The following ATP10B variants were observed in gnomAD, a reference collection of about 807,000 sequenced individuals.
The protein encoded by ATP10B is phospholipid-transporting ATPase VB.
Under a neutral mutation model 141.2 loss-of-function variants are expected in ATP10B, and 122 were observed. The observed-to-expected ratio is 0.86, with a 90% CI of 0.75 to 1.00. The LOEUF is 1.00. ATP10B is among the 50% of genes least tolerant of loss of function. The pLI is 0.00. For synonymous variants in ATP10B, 685 were observed against 692.0 expected, an observed-to-expected ratio of 0.99 and a Z score of 0.16; for missense variants, 1,876 against 1,825.3, an observed-to-expected ratio of 1.03 and a Z score of -0.51.
At chr5:160,891,516 C>T in the ATP10B span, among the ~76,000 whole-genome samples, 60 of 152,246 alleles carry the variant, frequency 3.9e-4, no homozygotes, top group South Asian at 0.011. Context: ...AGTGCAGTGG[C>T]GCAGTCTCAA....
chr5:160,576,057 C>CA (rs1355691807), intron 24 of ATP10B, among the ~76,000 whole-genome samples: 7 of 152,192 alleles, frequency 4.6e-5, no homozygotes, highest in Non-Finnish European at 7.3e-5. Flanking sequence ...TGCTTTCCAA[C>CA]AAAAATCCTA....
the ATP10B span, among the ~76,000 whole-genome samples, chr5:160,923,312 T>C: frequency 6.6e-6 from 1 of 152,230 alleles, no homozygotes; most frequent in Admixed American, 6.5e-5. Context: ...GACATTGGCC[T>C]GGAGAATGGA....
intron 1 of ATP10B, among the ~76,000 whole-genome samples, chr5:160,831,617 T>C (rs1024313071): frequency 6.6e-6 from 1 of 152,078 alleles, no homozygotes; most frequent in African/African-American, 2.4e-5. Context: ...TTCTAGTTTG[T>C]AAACAATTCT....
intron 2 of ATP10B, among the ~76,000 whole-genome samples, chr5:160,724,817 T>G (rs894265467): frequency 2.0e-5 from 3 of 152,248 alleles, no homozygotes; most frequent in Non-Finnish European, 4.4e-5. Context: ...GACCATCCTA[T>G]TTAAAACTGT....
chr5:160,640,017 G>C (rs1759717664), intron 10 of ATP10B, among the ~76,000 whole-genome samples: 1 of 152,204 alleles, frequency 6.6e-6, no homozygotes, highest in Admixed American at 6.5e-5. Context: ...TGCCACCACT[G>C]ATCTGACAGG....
rs1156872372 is a variant in ATP10B at position 160,632,126 on chromosome 5, T to C, written c.1620+3A>G. 6.2e-7 allele frequency: 1 copy of C among 1,609,382 alleles called. No individual in the cohort carries two copies. The highest frequency in any genetic ancestry group is 1.1e-5 in the South Asian group (1 of 90,928). On this transcript the variant is annotated splice_donor_region_variant and intron_variant, in intron 13 of 25. Transcript: ENST00000327245. ...CAGTTCAAAGGCAAAAGTCAGGACT[T>C]ACTATGGAGCTGCTGAAGGCCACAG...
intron 11 of ATP10B, among the ~76,000 whole-genome samples, chr5:160,635,893 G>C (rs932743409): frequency 1.3e-5 from 2 of 152,166 alleles, no homozygotes; most frequent in Non-Finnish European, 2.9e-5. Flanking sequence ...TTCTGGCAAA[G>C]GGACAGGCAC....
At chr5:160,653,187 A>C (rs1166177442) in intron 7 of ATP10B, among the ~76,000 whole-genome samples, 3 of 133,624 alleles carry the variant, frequency 2.2e-5, no homozygotes, top group African/African-American at 8.5e-5. Context: ...AATATATTAT[A>C]TATACAATAT....
chr5:160,615,167 T>A (rs1039802632), intron 17 of ATP10B, among the ~76,000 whole-genome samples: 4 of 152,172 alleles, frequency 2.6e-5, no homozygotes, highest in African/African-American at 9.7e-5. Context: ...TAGCAGCTGA[T>A]TGACATGACC....
In ATP10B at chr5:160,615,737, C is replaced by T. The variant is rs1757958168; in HGVS notation, c.2653+101G>A. The T allele has an allele frequency of 6.2e-6, 9 of 1,453,136 alleles. No homozygotes were observed. In the African/African-American group the frequency reaches 8.4e-5, roughly 14 times the overall value. The allele number at this position is 1,453,136 out of a possible 1,614,324, so 90.0% of individuals were successfully genotyped here. ...TGGAAGGGAACCCCAGGGAAGGCTG[C>T]TAATGGAGACATATTAGTAGTGTCA... On this transcript the variant is annotated intron_variant, in intron 17 of 25. Transcript: ENST00000327245.
intron 20 of ATP10B, 167 bp from the exon 21 acceptor site, chr5:160,602,869 C>G: frequency 1.3e-6 from 1 of 766,084 alleles, no homozygotes; most frequent in Non-Finnish European, 2.0e-6. Context: ...ACCCCACCCT[C>G]CCTTCTGGGA....
intron 3 of ATP10B, among the ~76,000 whole-genome samples, chr5:160,697,944 A>T (rs957053120): frequency 5.3e-5 from 8 of 152,104 alleles, no homozygotes; most frequent in African/African-American, 1.7e-4. Context: ...AAAGATGAAT[A>T]TTTTTTTAAC....
In ATP10B at chr5:160,761,104, C is replaced by T. The variant is rs181177739; in HGVS notation, c.-331+24455G>A. The stretch of plus-strand genomic sequence containing the variant: ...TACTTTTGGAGTACTCAAGCCATGA[C>T]AGCAACTCAGAACAGAACCACCCTC... On this transcript the variant is annotated intron_variant, in intron 2 of 25. Coordinates refer to ENST00000327245, the MANE Select transcript of ATP10B (RefSeq NM_025153.3). Among the ~76,000 whole-genome samples the T allele has an allele frequency of 7.2e-5, 11 of 152,224 alleles. 1 individual carries two copies. The highest frequency in any genetic ancestry group is 1.2e-4 in the African/African-American group (5 of 41,538).
chr5:160,876,039 T>C, the ATP10B span, among the ~76,000 whole-genome samples: 2 of 62,272 alleles, frequency 3.2e-5, 1 homozygote, highest in African/African-American at 7.3e-5. Flanking sequence ...GCCGACCTAA[T>C]AGACATCTCC....
chr5:160,693,766 G>C (rs2127753228), intron 3 of ATP10B, among the ~76,000 whole-genome samples: 1 of 152,276 alleles, frequency 6.6e-6, no homozygotes, highest in East Asian at 1.9e-4. Flanking sequence ...GCGTGACCTA[G>C]ATCCCTCGCA....
intron 8 of ATP10B, 36 bp downstream of exon 8, chr5:160,649,135 G>A: frequency 1.4e-6 from 2 of 1,421,248 alleles, no homozygotes; most frequent in Non-Finnish European, 2.0e-6. Context: ...CTGCAGCGGA[G>A]ATATTTACTA....
chr5:160,624,671 C>T (rs1758520844), intron 13 of ATP10B, among the ~76,000 whole-genome samples: 1 of 152,134 alleles, frequency 6.6e-6, no homozygotes, highest in African/African-American at 2.4e-5. Context: ...CTCTTCTTAC[C>T]TTCCCAAGCA....
At chr5:160,626,623 T>A (rs534002634) in intron 13 of ATP10B, among the ~76,000 whole-genome samples, 47 of 152,322 alleles carry the variant, frequency 3.1e-4, no homozygotes, top group African/African-American at 1.1e-3. Context: ...CATGTACACA[T>A]GTCAACTGGG....
intron 7 of ATP10B, among the ~76,000 whole-genome samples, chr5:160,652,951 T>TATA (rs1760971443): frequency 1.3e-4 from 12 of 92,468 alleles, no homozygotes; most frequent in Non-Finnish European, 2.2e-4. Context: ...ATATATAATA[T>TATA]ATTATATATA....
Sources: gnomAD v4.1 joint callset for allele counts (sites outside exome capture counted in the v4.1 genomes callset) on GRCh38, gnomAD v4.1.1 for gene constraint, MANE v1.5 for transcripts, NCBI Gene and HGNC (gene_info 2026-07-23, HGNC 2026-07-21) for gene names.